Variants in KIAA1958 observed in about 807,000 individuals in gnomAD.
KIAA1958 encodes uncharacterized protein KIAA1958.
In KIAA1958, 14 loss-of-function variants were observed where a neutral mutation model predicts 47.2. The observed-to-expected ratio is 0.30, with a 90% CI of 0.20 to 0.46. The LOEUF is 0.46. Among genes scored for constraint, KIAA1958 ranks in the 20% least tolerant of loss-of-function variants. The pLI is 1.00. For synonymous variants in KIAA1958, 354 were observed against 353.3 expected (o/e 1.00, Z -0.02); for missense variants, 803 against 909.2 (o/e 0.88, Z 1.50).
At chr9:112,541,011 A>C (rs2132823072) in intron 1 of KIAA1958, among the ~76,000 whole-genome samples, 1 of 152,038 alleles carries the variant, frequency 6.6e-6, no homozygotes, top group African/African-American at 2.4e-5. Flanking sequence ...TGAGTCACCG[A>C]GCCTGGCCTG....
chr9:112,510,617 G>A (rs62567843), intron 1 of KIAA1958, among the ~76,000 whole-genome samples: 19,002 of 151,958 alleles, frequency 0.13, 1,699 homozygotes, highest in East Asian at 0.23. Context: ...TCATTAAATC[G>A]CTTTAATTCC....
chr9:112,648,143 A>G (rs910155417), intron 3 of KIAA1958, among the ~76,000 whole-genome samples: 1 of 152,218 alleles, frequency 6.6e-6, no homozygotes, highest in African/African-American at 2.4e-5. Flanking sequence ...ATATAAAACA[A>G]TGTTTTTCAA....
chr9:112,551,556 A>C (rs950737950), intron 1 of KIAA1958, among the ~76,000 whole-genome samples: 3 of 152,254 alleles, frequency 2.0e-5, no homozygotes, highest in African/African-American at 7.2e-5. Flanking sequence ...AAGTTACATA[A>C]TTGAAACTGT....
chr9:112,626,789 A>G (rs1205500106), intron 2 of KIAA1958, among the ~76,000 whole-genome samples: 2 of 151,490 alleles, frequency 1.3e-5, no homozygotes, highest in Non-Finnish European at 2.9e-5. Context: ...AGCATTTATA[A>G]TGAAATAACT....
chr9:112,552,360 C>T (rs1448105836), intron 1 of KIAA1958, among the ~76,000 whole-genome samples: 1 of 152,186 alleles, frequency 6.6e-6, no homozygotes, highest in Non-Finnish European at 1.5e-5. Context: ...CTTTACCATT[C>T]TTATTTCTAA....
chr9:112,574,134 G>A lies in KIAA1958; in HGVS notation c.54G>A (p.Trp18Ter). 6.2e-7 allele frequency: 1 copy of A among 1,613,036 alleles called. No homozygotes were observed. Among genetic ancestry groups the A allele is most frequent in the Non-Finnish European group, 8.5e-7 (1 of 1,179,406 alleles). Residue 18 changes from tryptophan to a stop codon, truncating the protein, a stop_gained, in exon 2 of 4, where the codon TGG (tryptophan) becomes TGA (stop). Coordinates refer to ENST00000337530, the MANE Select transcript of KIAA1958 (RefSeq NM_133465.4). LOFTEE classifies it high-confidence loss of function. ...SSENLSKLVS[W>*]AHSHGTICSL... ...AGAATCTGTCCAAATTGGTCAGCTG[G>A]GCCCATAGCCATGGGACTATTTGCA...
chr9:112,544,568 A>G lies in KIAA1958; in HGVS notation c.-24-29489A>G, dbSNP rs565486472. 2.2e-4 allele frequency among the ~76,000 whole-genome samples: 34 copies of G among 152,188 alleles called. 2 individuals are homozygous for G. In the South Asian group the frequency reaches 6.6e-3, roughly 30 times the overall value. ...GGGACTTGCTCAAAGTCATGTGACT[A>G]TTTAGGGGGCAGCCCCCAGTTGCTG... On this transcript the variant is annotated intron_variant, in intron 1 of 3. Transcript: ENST00000337530.
At chr9:112,561,803 C>T (rs562835467) in intron 1 of KIAA1958, among the ~76,000 whole-genome samples, 3 of 152,228 alleles carry the variant, frequency 2.0e-5, no homozygotes, top group Admixed American at 6.5e-5. Flanking sequence ...TGCAGTGAGC[C>T]GAGATCGTGC....
At position 112,618,617 on chromosome 9, in the gene KIAA1958, T is replaced by C; in HGVS notation, c.1172-27033T>C. On this transcript the variant is annotated intron_variant, in intron 2 of 3. Coordinates refer to ENST00000337530, the MANE Select transcript of KIAA1958 (RefSeq NM_133465.4). This position sits in a 1 kb window ranked among gnomAD's most constrained non-coding sequence, Gnocchi z 7.1. Reference sequence around the variant, plus strand: ...GCGCTACGAGGATGCCCCTTTCTACTTATCCATCAAGCCAGTCGTGAACCT... The same window carrying C: ...GCGCTACGAGGATGCCCCTTTCTACCTATCCATCAAGCCAGTCGTGAACCT... 1.3e-6 allele frequency: 2 copies of C among 1,550,678 alleles called. No homozygotes were observed. The highest frequency in any genetic ancestry group is 2.4e-5 in the East Asian group (1 of 40,928).
intron 3 of KIAA1958, among the ~76,000 whole-genome samples, chr9:112,656,030 A>G (rs1026816814): frequency 6.6e-6 from 1 of 152,170 alleles, no homozygotes; most frequent in Non-Finnish European, 1.5e-5. Flanking sequence ...TTTAAGGTAC[A>G]TTTCAAGGCT....
intron 1 of KIAA1958, among the ~76,000 whole-genome samples, chr9:112,506,769 A>G (rs1178819987): frequency 3.3e-5 from 5 of 151,678 alleles, no homozygotes; most frequent in Admixed American, 1.3e-4. Context: ...TTTCTGCCAC[A>G]CTAGCTTTAT....
chr9:112,489,751 T>C (rs149181849), intron 1 of KIAA1958, among the ~76,000 whole-genome samples: 194 of 152,366 alleles, frequency 1.3e-3, no homozygotes, highest in African/African-American at 4.4e-3. Flanking sequence ...TACCACCTTC[T>C]CTTTTTAAAA....
chr9:112,578,147 C>A (rs1054802973), intron 2 of KIAA1958, among the ~76,000 whole-genome samples: 9 of 152,062 alleles, frequency 5.9e-5, no homozygotes, highest in Non-Finnish European at 1.2e-4. Context: ...TCATATTTTT[C>A]TTTTGAGTGA....
intron 1 of KIAA1958, among the ~76,000 whole-genome samples, chr9:112,526,557 C>T (rs537993917): frequency 2.0e-5 from 3 of 152,286 alleles, no homozygotes; most frequent in Admixed American, 2.0e-4. Flanking sequence ...AGACTGGGCA[C>T]TTTATAATTA....
intron 2 of KIAA1958, among the ~76,000 whole-genome samples, chr9:112,600,869 G>A (rs1836119973): frequency 6.6e-6 from 1 of 152,218 alleles, no homozygotes; most frequent in South Asian, 2.1e-4. Context: ...CCAACACTGA[G>A]CTAAGTGGCT....
chr9:112,505,938 G>A (rs549135363), intron 1 of KIAA1958, among the ~76,000 whole-genome samples: 1 of 152,320 alleles, frequency 6.6e-6, no homozygotes, highest in Admixed American at 6.5e-5. Flanking sequence ...AGAGAACGAT[G>A]CGTATGTATC....
chr9:112,578,913 A>G (rs759939149), intron 2 of KIAA1958, among the ~76,000 whole-genome samples: 1 of 152,082 alleles, frequency 6.6e-6, no homozygotes, highest in Non-Finnish European at 1.5e-5. Context: ...TTACATACAC[A>G]TAGCTTCTTT....
chr9:112,584,690 G>C (rs371710529), intron 2 of KIAA1958, among the ~76,000 whole-genome samples: 1 of 152,184 alleles, frequency 6.6e-6, no homozygotes, highest in African/African-American at 2.4e-5. Context: ...TATCTATGCA[G>C]TACTTTTATT....
Position 112,568,900 on chromosome 9 carries a change from A to T in KIAA1958, c.-24-5157A>T, listed in dbSNP as rs1435873879. Reference sequence around the variant, plus strand: ...AAGACCTTGTCTCAAAAAAAAAAAAAAAAAAATAGAGCTGCCAATTTAAGA... The same window carrying T: ...AAGACCTTGTCTCAAAAAAAAAAAATAAAAAATAGAGCTGCCAATTTAAGA... On this transcript the variant is annotated intron_variant, in intron 1 of 3. Coordinates refer to ENST00000337530, the MANE Select transcript of KIAA1958 (RefSeq NM_133465.4). 5.9e-4 allele frequency among the ~76,000 whole-genome samples: 88 copies of T among 148,802 alleles called. 1 individual carries two copies. The highest frequency in any genetic ancestry group is 2.1e-3 in the African/African-American group (84 of 40,556).
Sources: gnomAD v4.1 joint callset for allele counts (sites outside exome capture counted in the v4.1 genomes callset) on GRCh38, gnomAD v4.1.1 for gene constraint, Gnocchi (gnomAD v3.1) non-coding constraint, MANE v1.5 for transcripts, NCBI Gene and HGNC (gene_info 2026-07-23, HGNC 2026-07-21) for gene names.